ARHGEF7: variants seen among roughly 807,000 people sequenced by gnomAD.
ARHGEF7 encodes the protein Rho guanine nucleotide exchange factor 7, also known as PAK-interacting exchange factor beta.
Under a neutral mutation model 109.8 loss-of-function variants are expected in ARHGEF7, and 33 were observed. The observed-to-expected ratio is 0.30, with a 90% CI of 0.23 to 0.40. The LOEUF is 0.40. Among genes scored for constraint, ARHGEF7 ranks in the 10% least tolerant of loss-of-function variants. ARHGEF7 has a pLI of 1.00. For missense variants in ARHGEF7, 938 were observed against 1,098.5 expected, an observed-to-expected ratio of 0.85 and a Z score of 2.07; for synonymous variants, 458 against 424.6, an observed-to-expected ratio of 1.08 and a Z score of -0.97.
intron 19 of ARHGEF7, among the ~76,000 whole-genome samples, chr13:111,298,818 A>G (rs1045435000): frequency 1.1e-4 from 16 of 152,170 alleles, no homozygotes; most frequent in Admixed American, 7.9e-4. Context: ...GAGACACAAC[A>G]GCATGAGGGG....
chr13:111,283,432 G>T (rs138073155), intron 16 of ARHGEF7, 69 bp downstream of exon 16: 8 of 1,508,844 alleles, frequency 5.3e-6, no homozygotes, highest in Admixed American at 4.1e-5. Context: ...GTGTGCCCAC[G>T]TGCTGGGCCT....
chr13:111,216,466 G>T (rs1464135749), intron 4 of ARHGEF7, among the ~76,000 whole-genome samples: 1 of 152,014 alleles, frequency 6.6e-6, no homozygotes, highest in African/African-American at 2.4e-5. Flanking sequence ...GGGGATAGAG[G>T]CCTGGACTCT....
At chr13:111,221,157 ATG>A (rs1491233903) in intron 5 of ARHGEF7, among the ~76,000 whole-genome samples, 3 of 93,222 alleles carry the variant, frequency 3.2e-5, no homozygotes, top group South Asian at 3.5e-4. Context: ...ATAGATATAT[ATG>A]TCTATATATA....
chr13:111,180,481 T>C (rs1439261986), intron 2 of ARHGEF7, among the ~76,000 whole-genome samples: 2 of 152,228 alleles, frequency 1.3e-5, no homozygotes, highest in African/African-American at 4.8e-5. Flanking sequence ...TAAGATTCTT[T>C]AAAACATGCA....
rs947993582 is a variant in ARHGEF7 at position 111,292,107 on chromosome 13, G to A, written c.2135-11G>A. The stretch of plus-strand genomic sequence containing the variant: ...GCCTGTCGCGCCTGTCCCTCCGCCC[G>A]CCCGTCTTAGCATGGCAAGGCACTG... On this transcript the variant is annotated splice_polypyrimidine_tract_variant and intron_variant, in intron 18 of 21. Transcript: ENST00000646102. The A allele has an allele frequency of 5.0e-6, 8 of 1,608,962 alleles. No individual in the cohort carries two copies. Among genetic ancestry groups the A allele is most frequent in the African/African-American group, 4.0e-5 (3 of 74,698 alleles).
At chr13:111,121,021 G>T (rs1398085290) in intron 1 of ARHGEF7, among the ~76,000 whole-genome samples, 1 of 152,232 alleles carries the variant, frequency 6.6e-6, no homozygotes, top group Non-Finnish European at 1.5e-5. Flanking sequence ...GGAGACGGAG[G>T]CAGCAGTGTA....
rs570989301 is a variant in ARHGEF7 at position 111,266,618 on chromosome 13, T to C, written c.951-930T>C. Among the ~76,000 whole-genome samples the C allele has an allele frequency of 1.2e-4, 18 of 152,338 alleles. No homozygotes were observed. Among genetic ancestry groups the C allele is most frequent in the Non-Finnish European group, 2.4e-4 (16 of 68,026 alleles). On this transcript the variant is annotated intron_variant, in intron 8 of 21. Transcript: ENST00000646102. The surrounding 1 kb of genome is among the most constrained non-coding windows in gnomAD (Gnocchi z 4.8). ...TAAGGTTGGCACACTAAAAGCACTT[T>C]GGAAGTGCTGTCCGAGAGTTGGGAC...
chr13:111,163,412 C>T (rs1018785324), intron 2 of ARHGEF7, among the ~76,000 whole-genome samples: 3 of 152,114 alleles, frequency 2.0e-5, no homozygotes, highest in African/African-American at 7.2e-5. Context: ...CTTCCCCCTT[C>T]GTTTCAGATC....
chr13:111,215,443 G>A (rs1346738865), intron 4 of ARHGEF7, among the ~76,000 whole-genome samples: 1 of 151,810 alleles, frequency 6.6e-6, no homozygotes, highest in Non-Finnish European at 1.5e-5. Flanking sequence ...GGCTGGTGCT[G>A]TTTTCCTCCC....
At chr13:111,221,393 C>CA (rs1566872696) in intron 5 of ARHGEF7, among the ~76,000 whole-genome samples, 9 of 5,456 alleles carry the variant, frequency 1.6e-3, no homozygotes, top group African/African-American at 3.6e-3. Flanking sequence ...ATATAGATGT[C>CA]TATATATCTA....
At chr13:111,216,720 G>A (rs1164268) in intron 4 of ARHGEF7, among the ~76,000 whole-genome samples, 25 of 152,330 alleles carry the variant, frequency 1.6e-4, no homozygotes, top group African/African-American at 4.6e-4. Context: ...CAGTGGTAGG[G>A]AAGAGGGGTG....
At chr13:111,261,621 A>T (rs2091100525) in intron 8 of ARHGEF7, among the ~76,000 whole-genome samples, 1 of 152,258 alleles carries the variant, frequency 6.6e-6, no homozygotes. Context: ...AGATACTTAC[A>T]GAACATTTCC....
intron 20 of ARHGEF7, 135 bp downstream of exon 20, chr13:111,300,982 C>G (rs1196889975): frequency 1.9e-6 from 1 of 518,260 alleles, no homozygotes; most frequent in Non-Finnish European, 3.4e-6. Context: ...GAGTGTCACT[C>G]TTGTCACCCA....
intron 8 of ARHGEF7, among the ~76,000 whole-genome samples, chr13:111,257,391 G>A (rs971566367): frequency 6.6e-6 from 1 of 152,240 alleles, no homozygotes; most frequent in African/African-American, 2.4e-5. Flanking sequence ...TAGGACTTCA[G>A]TGTAGTGTAT....
rs1380910400 is a variant in ARHGEF7 at position 111,255,120 on chromosome 13, G to A, written c.950+10826G>A. On this transcript the variant is annotated intron_variant, in intron 8 of 21. Coordinates refer to ENST00000646102, the MANE Select transcript of ARHGEF7 (RefSeq NM_001354046.2). The surrounding 1 kb of genome is among the most constrained non-coding windows in gnomAD (Gnocchi z 4.1). Reference sequence around the variant, plus strand: ...CCCAGAAGAGGATTCGGGCTAAGGCGCTGAGTCGCTAACGTGAAGGCCGGG... The same window carrying A: ...CCCAGAAGAGGATTCGGGCTAAGGCACTGAGTCGCTAACGTGAAGGCCGGG... Among the ~76,000 whole-genome samples the A allele has an allele frequency of 1.6e-5, 1 of 64,338 alleles. No homozygotes were observed. Among genetic ancestry groups the A allele is most frequent in the Non-Finnish European group, 2.9e-5 (1 of 33,956 alleles). The allele number at this position is 64,338 out of a possible 152,430, so 42.2% of individuals were successfully genotyped here. A position where few individuals can be genotyped will look rare whatever the true frequency, so the allele number is the denominator to read the frequency against.
At chr13:111,219,882 G>C (rs2083603324) in intron 5 of ARHGEF7, among the ~76,000 whole-genome samples, 1 of 152,112 alleles carries the variant, frequency 6.6e-6, no homozygotes, top group Admixed American at 6.5e-5. Flanking sequence ...TATTAAGAAG[G>C]GGGTGGGTTG....
intron 5 of ARHGEF7, among the ~76,000 whole-genome samples, chr13:111,226,692 T>C (rs960661705): frequency 2.6e-5 from 4 of 152,212 alleles, no homozygotes; most frequent in African/African-American, 7.2e-5. Context: ...ATTAATGTTG[T>C]TTTCATGCTG....
chr13:111,144,524 T>C (rs149689365), intron 1 of ARHGEF7: 1 of 152,368 alleles, frequency 6.6e-6, no homozygotes, highest in Non-Finnish European at 1.5e-5. Flanking sequence ...CATTATTGAC[T>C]GTGGAATGAG....
At chr13:111,285,465 TGC>T (rs1177751379) in intron 16 of ARHGEF7, among the ~76,000 whole-genome samples, 1 of 152,218 alleles carries the variant, frequency 6.6e-6, no homozygotes, top group Non-Finnish European at 1.5e-5. Flanking sequence ...TGTTGGGACT[TGC>T]TTTGCTCACT....
Sources: gnomAD v4.1 joint callset for allele counts (sites outside exome capture counted in the v4.1 genomes callset) on GRCh38, gnomAD v4.1.1 for gene constraint, Gnocchi (gnomAD v3.1) non-coding constraint, MANE v1.5 for transcripts, NCBI Gene and HGNC (gene_info 2026-07-23, HGNC 2026-07-21) for gene names.